The following ZNF536 variants were observed in gnomAD, a reference collection of about 807,000 sequenced individuals.
The protein encoded by ZNF536 is zinc finger protein 536.
A neutral mutation model predicts 84.5 loss-of-function variants in ZNF536; 13 were observed. The ratio of observed to expected loss-of-function variants is 0.15; its 90% CI spans 0.10 to 0.24. The LOEUF (loss-of-function observed/expected upper bound fraction) is 0.24, where lower values mean the gene tolerates loss of function less well. Ranked by LOEUF, ZNF536 falls within the 10% of genes least tolerant of loss-of-function variation. ZNF536 has a pLI of 1.00. For missense variants in ZNF536, 1,536 were observed against 1,747.5 expected, an observed-to-expected ratio of 0.88 and a Z score of 2.16; for synonymous variants, 811 against 742.5, an observed-to-expected ratio of 1.09 and a Z score of -1.50.
At chr19:30,355,787 A>G (rs1222220885) in intron 3 of ZNF536, among the ~76,000 whole-genome samples, 3 of 152,094 alleles carry the variant, frequency 2.0e-5, no homozygotes, top group Non-Finnish European at 4.4e-5. Flanking sequence ...CCCAGGCCCT[A>G]TTGTGAACTG....
chr19:30,393,460 A>G (rs756014346), intron 1 of ZNF536, among the ~76,000 whole-genome samples: 12 of 152,220 alleles, frequency 7.9e-5, no homozygotes, highest in Non-Finnish European at 1.5e-4. Context: ...CCCTCTCTTT[A>G]TGGAGCTTAC....
At chr19:30,436,068 G>A (rs539419397) in intron 1 of ZNF536, among the ~76,000 whole-genome samples, 19 of 152,014 alleles carry the variant, frequency 1.2e-4, no homozygotes, top group Non-Finnish European at 2.5e-4. Context: ...AGCTGCCTGG[G>A]GCTCCATGGG....
At chr19:30,608,629 G>A (rs1483797366) in intron 1 of ZNF536, among the ~76,000 whole-genome samples, 2 of 152,174 alleles carry the variant, frequency 1.3e-5, no homozygotes, top group Non-Finnish European at 2.9e-5. Context: ...GTAGTGCACA[G>A]TCAGGCTGGG....
intron 1 of ZNF536, among the ~76,000 whole-genome samples, chr19:30,249,429 A>AG (rs2024481038): frequency 6.6e-6 from 1 of 152,096 alleles, no homozygotes; most frequent in South Asian, 2.1e-4. Context: ...TGAGTTCTAT[A>AG]GGTAACTTCC....
At chr19:30,609,318 T>C (rs732877) in intron 1 of ZNF536, among the ~76,000 whole-genome samples, 3 of 151,906 alleles carry the variant, frequency 2.0e-5, no homozygotes, top group African/African-American at 7.3e-5. Context: ...ACAAAATAGC[T>C]CTTGTCTAGA....
chr19:30,434,791 C>T (rs1270919365), intron 1 of ZNF536, among the ~76,000 whole-genome samples: 4 of 148,718 alleles, frequency 2.7e-5, no homozygotes, highest in East Asian at 2.0e-4. Context: ...GTGATGACGA[C>T]GATGATGATG....
At chr19:30,243,076 C>A (rs940474023) in intron 1 of ZNF536, among the ~76,000 whole-genome samples, 1 of 152,120 alleles carries the variant, frequency 6.6e-6, no homozygotes, top group African/African-American at 2.4e-5. Context: ...ACTTTTATTA[C>A]ACTTTTGGAA....
At chr19:30,435,711 G>C (rs55721370) in intron 1 of ZNF536, among the ~76,000 whole-genome samples, 109,989 of 151,958 alleles carry the variant, frequency 0.72, 40,378 homozygotes, top group African/African-American at 0.79. Context: ...ATCCCCAGCA[G>C]CTACTTGCCT....
chr19:30,664,255 TCTC>T (rs2050237911), intron 1 of ZNF536, among the ~76,000 whole-genome samples: 2 of 122,574 alleles, frequency 1.6e-5, no homozygotes, highest in Non-Finnish European at 3.5e-5. Context: ...TCTCTCTCTC[TCTC>T]TCTCCCTCTC....
intron 1 of ZNF536, among the ~76,000 whole-genome samples, chr19:30,668,426 T>C (rs995426821): frequency 6.6e-6 from 1 of 152,192 alleles, no homozygotes; most frequent in African/African-American, 2.4e-5. Context: ...CTGGTGTGTC[T>C]GAGTTTTTGT....
At chr19:30,520,315 T>G (rs1414535024) in intron 2 of ZNF536, among the ~76,000 whole-genome samples, 1 of 152,112 alleles carries the variant, frequency 6.6e-6, no homozygotes, top group Non-Finnish European at 1.5e-5. Context: ...GCTTCCCGGG[T>G]GCAAGCCCCC....
At position 30,557,279 on chromosome 19, in the gene ZNF536, T is replaced by A; in HGVS notation, c.*115T>A. 1 of 1,192,048 alleles carries A rather than the reference T, an allele frequency of 8.4e-7. No homozygotes were observed. The highest frequency in any genetic ancestry group is 2.3e-5 in the East Asian group (1 of 42,580). 73.8% of individuals were successfully genotyped at this position (1,192,048 alleles called of 1,614,324 possible). A position where few individuals can be genotyped will look rare whatever the true frequency, so the allele number is the denominator to read the frequency against. On this transcript the variant is annotated 3_prime_UTR_variant, in exon 5 of 5. Coordinates refer to ENST00000355537, the MANE Select transcript of ZNF536 (RefSeq NM_014717.3). ...CAAGAGAAGAATGTATACACATATG[T>A]GTGTTGAATAATTACTATTGGCATA... is the stretch of plus-strand genomic sequence containing the variant.
At position 30,445,576 on chromosome 19, in the gene ZNF536, C is replaced by T. The variant is rs542487578; in HGVS notation, c.2014C>T (p.Arg672Cys). ...DGLHVGLDER[R>C]GSGSDQESQS... ...GCTGCACGTGGGCCTGGATGAGCGG[C>T]GTGGCTCGGGCAGTGACCAGGAGTC... The change falls in exon 2 of 5, where the codon CGT becomes TGT. Residue 672 changes from arginine (R) to cysteine (C), a missense_variant. By Grantham distance (180) the Arg-to-Cys change is radical (BLOSUM62 -3). Around this residue, in one of 8 missense-constraint regions of ZNF536, gnomAD observed 366 missense variants for 364.4 expected, o/e 1.00. Coordinates refer to ENST00000355537, the MANE Select transcript of ZNF536 (RefSeq NM_014717.3). The surrounding 1 kb of genome is among the most constrained non-coding windows in gnomAD (Gnocchi z 4.5). 8.1e-6 allele frequency: 13 copies of T among 1,613,132 alleles called. No homozygotes were observed. In the Middle Eastern group the frequency reaches 5.0e-4, roughly 62 times the overall value.
chr19:30,473,359 C>T (rs1341605791), intron 2 of ZNF536, among the ~76,000 whole-genome samples: 2 of 152,082 alleles, frequency 1.3e-5, no homozygotes, highest in Non-Finnish European at 2.9e-5. Context: ...CAGCGTGTCC[C>T]ATGGCCCCAG....
intron 1 of ZNF536, among the ~76,000 whole-genome samples, chr19:30,573,821 G>A (rs763737019): frequency 6.6e-6 from 1 of 152,166 alleles, no homozygotes; most frequent in Non-Finnish European, 1.5e-5. Context: ...AGACCTGCCT[G>A]CACCATGAAG....
intron 1 of ZNF536, among the ~76,000 whole-genome samples, chr19:30,255,798 G>C (rs1359622982): frequency 6.6e-6 from 1 of 152,222 alleles, no homozygotes. Context: ...GTCTTCGTCT[G>C]CATAGACCCC....
intron 1 of ZNF536, among the ~76,000 whole-genome samples, chr19:30,418,813 A>G (rs935668163): frequency 1.3e-5 from 2 of 152,194 alleles, no homozygotes; most frequent in Non-Finnish European, 2.9e-5. Flanking sequence ...AATGGTTATT[A>G]TTATTTTAAA....
At chr19:30,578,665 T>C (rs952750791) in intron 1 of ZNF536, among the ~76,000 whole-genome samples, 2 of 152,248 alleles carry the variant, frequency 1.3e-5, no homozygotes, top group African/African-American at 4.8e-5. Context: ...TCTTTTGAGC[T>C]CTTGAAATAC....
chr19:30,629,281 C>T (rs1194558464), intron 1 of ZNF536, among the ~76,000 whole-genome samples: 1 of 152,146 alleles, frequency 6.6e-6, no homozygotes, highest in Non-Finnish European at 1.5e-5. Flanking sequence ...TTACTGCAGG[C>T]TCGACCTCCT....
Sources: gnomAD v4.1 joint callset for allele counts (sites outside exome capture counted in the v4.1 genomes callset) on GRCh38, gnomAD v4.1.1 for gene constraint, gnomAD v4.1.1 regional missense constraint, Gnocchi (gnomAD v3.1) non-coding constraint, MANE v1.5 for transcripts, NCBI Gene and HGNC (gene_info 2026-07-23, HGNC 2026-07-21) for gene names.